Variants in CSNK1G1 observed in about 807,000 individuals in gnomAD.
CSNK1G1 encodes the protein casein kinase I isoform gamma-1.
A neutral mutation model predicts 59.6 loss-of-function variants in CSNK1G1; 22 were observed. The ratio of observed to expected loss-of-function variants is 0.37; its 90% CI spans 0.26 to 0.53. The LOEUF (loss-of-function observed/expected upper bound fraction) is 0.53. Among genes scored for constraint, CSNK1G1 ranks in the 20% least tolerant of loss-of-function variants. The pLI, the probability that CSNK1G1 is intolerant of heterozygous loss-of-function variation, is 0.89. For missense variants in CSNK1G1, 384 were observed against 519.5 expected (o/e 0.74, Z 2.54); for synonymous variants, 179 against 177.1 (o/e 1.01, Z -0.08).
At chr15:64,206,958 G>A (rs1028179031) in intron 7 of CSNK1G1, among the ~76,000 whole-genome samples, 2 of 152,170 alleles carry the variant, frequency 1.3e-5, no homozygotes, top group African/African-American at 4.8e-5. Flanking sequence ...CTGGTAAAAT[G>A]TGTAGCAGCT....
At chr15:64,229,939 T>TTTTTA (rs768405168) in intron 4 of CSNK1G1, among the ~76,000 whole-genome samples, 13 of 121,504 alleles carry the variant, frequency 1.1e-4, no homozygotes, top group East Asian at 2.3e-4. Flanking sequence ...TTTTTTTTTT[T>TTTTTA]AAGACAGAAT....
At chr15:64,316,303 A>G (rs1361400376) in intron 1 of CSNK1G1, among the ~76,000 whole-genome samples, 2 of 152,210 alleles carry the variant, frequency 1.3e-5, no homozygotes, top group Admixed American at 1.3e-4. Flanking sequence ...TTGGGAGGCC[A>G]AGGCGAGCTC....
At chr15:64,215,738 T>C (rs1319299705) in intron 5 of CSNK1G1, among the ~76,000 whole-genome samples, 1 of 152,228 alleles carries the variant, frequency 6.6e-6, no homozygotes. Flanking sequence ...TTGTGTATAA[T>C]TTGGTAGGAG....
At chr15:64,343,858 CTG>C (rs1897806652) in intron 1 of CSNK1G1, among the ~76,000 whole-genome samples, 2 of 151,508 alleles carry the variant, frequency 1.3e-5, no homozygotes. Flanking sequence ...TATTTCTTCA[CTG>C]ATTGTGAGTT....
chr15:64,221,207 C>T (rs1354826985), intron 4 of CSNK1G1, among the ~76,000 whole-genome samples: 5 of 152,172 alleles, frequency 3.3e-5, no homozygotes, highest in Admixed American at 6.5e-5. Context: ...AAAGTACAAG[C>T]TAAAAGTCAG....
intron 6 of CSNK1G1, among the ~76,000 whole-genome samples, chr15:64,208,245 G>A (rs1027752984): frequency 6.6e-6 from 1 of 152,064 alleles, no homozygotes; most frequent in Non-Finnish European, 1.5e-5. Flanking sequence ...CATCTGTAGT[G>A]CCAGCTACTT....
In CSNK1G1 at chr15:64,259,216, A is replaced by G. The variant is rs1366453844; in HGVS notation, c.207T>C (p.Tyr69=). 5 of 1,597,674 alleles carry G rather than the reference A, an allele frequency of 3.1e-6. No homozygotes were observed. The highest frequency in any genetic ancestry group is 4.3e-6 in the Non-Finnish European group (5 of 1,170,760). The change falls in exon 3 of 12, where the codon TAT becomes TAC. Residue 69 remains tyrosine (Y), a synonymous_variant. Coordinates refer to ENST00000303052, the MANE Select transcript of CSNK1G1 (RefSeq NM_022048.5). ...RLGKNLYTNE[Y]VAIKLEPIKS... ...TTCTACTCACCAGTTTGATTGCTAC[A>G]TATTCATTGGTGTAGAGATTTTTAC...
chr15:64,354,047 T>G (rs1224618769), intron 1 of CSNK1G1, among the ~76,000 whole-genome samples: 1 of 152,208 alleles, frequency 6.6e-6, no homozygotes, highest in Non-Finnish European at 1.5e-5. Context: ...GGCTCACACC[T>G]GTAATCCCAG....
intron 2 of CSNK1G1, among the ~76,000 whole-genome samples, chr15:64,270,939 T>C (rs1893266887): frequency 6.6e-6 from 1 of 152,188 alleles, no homozygotes; most frequent in Non-Finnish European, 1.5e-5. Context: ...GTGATTTTCT[T>C]AGTCTTGACT....
At chr15:64,294,826 C>T (rs377184745) in intron 2 of CSNK1G1, among the ~76,000 whole-genome samples, 1 of 148,254 alleles carries the variant, frequency 6.7e-6, no homozygotes, top group African/African-American at 2.5e-5. Context: ...GCAGGAGAAT[C>T]GCTTGAACTC....
At chr15:64,312,916 A>G (rs1266630759) in intron 1 of CSNK1G1, among the ~76,000 whole-genome samples, 2 of 152,210 alleles carry the variant, frequency 1.3e-5, no homozygotes, top group African/African-American at 4.8e-5. Context: ...CAAGAAAAAA[A>G]CAAACAACCC....
At chr15:64,172,068 GGTGGAATTTTCCCCCT>G (rs1199634174) in intron 11 of CSNK1G1, 83 bp from the exon 12 acceptor site, 13 of 1,330,360 alleles carry the variant, frequency 9.8e-6, no homozygotes, top group Non-Finnish European at 1.4e-5. Flanking sequence ...TTACTGCAGG[GGTGGAATTTTCCCCCT>G]AGCACCCACC....
intron 10 of CSNK1G1, among the ~76,000 whole-genome samples, chr15:64,189,850 G>A (rs1018786860): frequency 7.4e-5 from 10 of 135,102 alleles, no homozygotes; most frequent in African/African-American, 2.0e-4. Context: ...ACGGAGTCTC[G>A]CTCTGTCGCC....
At chr15:64,251,398 C>G (rs1359961149) in intron 4 of CSNK1G1, 114 bp downstream of exon 4, 5 of 680,200 alleles carry the variant, frequency 7.4e-6, no homozygotes, top group Admixed American at 2.5e-5. Context: ...ATCCGGCAAG[C>G]AGGGGAGATA....
At chr15:64,254,748 G>T (rs1892280878) in intron 3 of CSNK1G1, among the ~76,000 whole-genome samples, 1 of 152,150 alleles carries the variant, frequency 6.6e-6, no homozygotes, top group Admixed American at 6.5e-5. Context: ...TCCATGGGTT[G>T]CCCTTTTTAG....
At chr15:64,220,223 T>G (rs1040794294) in intron 4 of CSNK1G1, among the ~76,000 whole-genome samples, 2 of 151,586 alleles carry the variant, frequency 1.3e-5, no homozygotes, top group South Asian at 4.2e-4. Flanking sequence ...GCCTCCTGAG[T>G]AGCTGAGATT....
intron 2 of CSNK1G1, among the ~76,000 whole-genome samples, chr15:64,276,084 C>T (rs553702224): frequency 6.6e-6 from 1 of 152,134 alleles, no homozygotes; most frequent in Non-Finnish European, 1.5e-5. Context: ...AGTGAGGCTA[C>T]GTGGAGTGAG....
intron 4 of CSNK1G1, among the ~76,000 whole-genome samples, chr15:64,222,423 A>G (rs2082400037): frequency 7.3e-6 from 1 of 136,816 alleles, no homozygotes; most frequent in African/African-American, 3.2e-5. Context: ...AAGAAATAAC[A>G]ACAACAACAC....
chr15:64,246,045 AACAATAATTTATTGTATATTTC>A (rs1187544159), intron 4 of CSNK1G1, among the ~76,000 whole-genome samples: 11 of 152,196 alleles, frequency 7.2e-5, no homozygotes, highest in African/African-American at 2.7e-4. Context: ...GACTATAGTT[AACAATAATTTATTGTATATTTC>A]AAAATAGCCA....
Sources: allele counts gnomAD v4.1 joint callset (sites outside exome capture counted in the v4.1 genomes callset), GRCh38; gene constraint gnomAD v4.1.1; transcripts MANE v1.5; gene names NCBI Gene and HGNC (gene_info 2026-07-23, HGNC 2026-07-21).